The following ADGRL3 variants were observed in gnomAD, a reference collection of about 807,000 sequenced individuals.
ADGRL3 encodes adhesion G protein-coupled receptor L3.
ADGRL3 carries 62 observed loss-of-function variants against 153.5 expected under a neutral mutation model. The ratio of observed to expected loss-of-function variants is 0.40; its 90% CI spans 0.33 to 0.50. ADGRL3 has a LOEUF of 0.50. Ranked by LOEUF, ADGRL3 falls within the 20% of genes least tolerant of loss-of-function variation. The pLI is 0.47. For missense variants in ADGRL3, 1,641 were observed against 1,859.4 expected (o/e 0.88, Z 2.16); for synonymous variants, 710 against 672.5 (o/e 1.06, Z -0.86).
chr4:61,615,962 C>A (rs1470684191), intron 5 of ADGRL3, among the ~76,000 whole-genome samples: 1 of 152,050 alleles, frequency 6.6e-6, no homozygotes, highest in African/African-American at 2.4e-5. Context: ...GGAAGTTTGC[C>A]TCTCACAGTC....
intron 5 of ADGRL3, among the ~76,000 whole-genome samples, chr4:61,592,087 A>AT (rs1255703169): frequency 6.6e-6 from 1 of 151,672 alleles, no homozygotes; most frequent in African/African-American, 2.4e-5. Context: ...AAAAAAAAAA[A>AT]AAAATAGAGA....
intron 23 of ADGRL3, among the ~76,000 whole-genome samples, chr4:62,032,639 G>T (rs1722747862): frequency 6.6e-6 from 1 of 151,490 alleles, no homozygotes; most frequent in Admixed American, 6.6e-5. Context: ...TTTTTCTTTG[G>T]AAAACAAAGG....
At position 61,602,592 on chromosome 4, in the gene ADGRL3, C is replaced by T. The variant is rs188354648; in HGVS notation, c.473+15152C>T. Among the ~76,000 whole-genome samples the T allele has an allele frequency of 4.0e-3, 612 of 152,094 alleles. 1 individual carries two copies. The highest frequency in any genetic ancestry group is 6.6e-3 in the South Asian group (32 of 4,814). ...CTGCCTTAAGCCAATCGGTGCCCAC[C>T]CTTTGAGCTAAGATTAGTTTCAATC... On this transcript the variant is annotated intron_variant, in intron 5 of 26. Coordinates refer to ENST00000683033, the MANE Select transcript of ADGRL3 (RefSeq NM_001387552.1).
At position 62,066,385 on chromosome 4, in the gene ADGRL3, A is replaced by G. The variant is rs1431335751; in HGVS notation, c.3815-1781A>G. On this transcript the variant is annotated intron_variant, in intron 25 of 26. Transcript: ENST00000683033. ...TTTTAAAGTACCTATTCTTGGTTGT[A>G]ACACCATTTATTTAAAATATGTAAA... 2.0e-5 allele frequency among the ~76,000 whole-genome samples: 3 copies of G among 152,184 alleles called. No homozygotes were observed. The East Asian group carries it at 5.8e-4, about 29-fold the overall frequency.
intron 9 of ADGRL3, among the ~76,000 whole-genome samples, chr4:61,846,948 A>ATGTGTG (rs72301670): frequency 2.1e-5 from 3 of 145,840 alleles, no homozygotes; most frequent in Non-Finnish European, 4.5e-5. Flanking sequence ...TTTATATATT[A>ATGTGTG]TGTGTGTGTG....
chr4:61,655,522 A>G (rs1322962400), intron 5 of ADGRL3, among the ~76,000 whole-genome samples: 1 of 152,136 alleles, frequency 6.6e-6, no homozygotes, highest in Non-Finnish European at 1.5e-5. Flanking sequence ...ATACACTTTG[A>G]AAAAAACAGA....
At chr4:61,407,613 G>A (rs1349684972) in intron 2 of ADGRL3, among the ~76,000 whole-genome samples, 1 of 152,098 alleles carries the variant, frequency 6.6e-6, no homozygotes, top group African/African-American at 2.4e-5. Context: ...GCCAAACAAA[G>A]CTCTGCAGTA....
intron 4 of ADGRL3, among the ~76,000 whole-genome samples, chr4:61,526,754 AC>A (rs1273963957): frequency 2.6e-5 from 4 of 151,956 alleles, no homozygotes; most frequent in African/African-American, 9.7e-5. Flanking sequence ...ACAGAGTAAG[AC>A]CCTACCTCAA....
At chr4:62,066,303 T>C (rs1014161196) in intron 25 of ADGRL3, among the ~76,000 whole-genome samples, 1 of 152,110 alleles carries the variant, frequency 6.6e-6, no homozygotes, top group African/African-American at 2.4e-5. Context: ...CTTGGTTCTC[T>C]TCTGTGGGTC....
chr4:61,509,793 A>T (rs1307866388), intron 3 of ADGRL3, among the ~76,000 whole-genome samples: 1 of 152,178 alleles, frequency 6.6e-6, no homozygotes, highest in Non-Finnish European at 1.5e-5. Flanking sequence ...AATAATGGGA[A>T]TACTGGGTAG....
chr4:62,045,575 T>C (rs1730679796), intron 25 of ADGRL3, among the ~76,000 whole-genome samples: 1 of 152,048 alleles, frequency 6.6e-6, no homozygotes, highest in Non-Finnish European at 1.5e-5. Flanking sequence ...CAGATGCTAG[T>C]ACTCTCAATT....
chr4:61,552,462 T>C (rs1560827771), intron 4 of ADGRL3, among the ~76,000 whole-genome samples: 2 of 152,156 alleles, frequency 1.3e-5, no homozygotes, highest in Non-Finnish European at 2.9e-5. Context: ...ATTTTTAATT[T>C]AATTTCATTT....
chr4:61,368,188 G>T (rs1259239831), intron 1 of ADGRL3, among the ~76,000 whole-genome samples: 1 of 151,824 alleles, frequency 6.6e-6, no homozygotes, highest in Non-Finnish European at 1.5e-5. Flanking sequence ...TTTGTAAGTT[G>T]CCTGTTCACT....
At chr4:61,248,028 C>T (rs1382711892) in intron 1 of ADGRL3, among the ~76,000 whole-genome samples, 4 of 152,092 alleles carry the variant, frequency 2.6e-5, no homozygotes, top group Non-Finnish European at 5.9e-5. Flanking sequence ...ATTTTATTTA[C>T]TCTAGATATC....
intron 8 of ADGRL3, among the ~76,000 whole-genome samples, chr4:61,767,693 G>T: frequency 6.6e-6 from 1 of 152,272 alleles, no homozygotes; most frequent in East Asian, 1.9e-4. Flanking sequence ...ACGTGGCTTA[G>T]GAGGAATCCT....
chr4:61,767,400 G>C (rs1455551269), intron 8 of ADGRL3, among the ~76,000 whole-genome samples: 1 of 152,004 alleles, frequency 6.6e-6, no homozygotes, highest in South Asian at 2.1e-4. Context: ...AACAGTTATG[G>C]AGGCAAGGGA....
At chr4:61,228,478 A>C (rs751832000) in intron 1 of ADGRL3, among the ~76,000 whole-genome samples, 1 of 152,188 alleles carries the variant, frequency 6.6e-6, no homozygotes, top group Non-Finnish European at 1.5e-5. Context: ...TATAGAACTC[A>C]TCAGTGTCAT....
intron 1 of ADGRL3, among the ~76,000 whole-genome samples, chr4:61,242,715 T>C (rs1755502822): frequency 6.6e-6 from 1 of 152,094 alleles, no homozygotes; most frequent in South Asian, 2.1e-4. Flanking sequence ...TTAAGGCTGT[T>C]GGCTAACAGA....
intron 1 of ADGRL3, among the ~76,000 whole-genome samples, chr4:61,285,303 C>G (rs1259060265): frequency 6.6e-6 from 1 of 151,714 alleles, no homozygotes. Flanking sequence ...AATGGGAGGG[C>G]AGATATATAT....
Sources: allele counts gnomAD v4.1 joint callset (sites outside exome capture counted in the v4.1 genomes callset), GRCh38; gene constraint gnomAD v4.1.1; transcripts MANE v1.5; gene names NCBI Gene and HGNC (gene_info 2026-07-23, HGNC 2026-07-21).